VPS13D: variants seen among roughly 807,000 people sequenced by gnomAD.
VPS13D encodes the protein intermembrane lipid transfer protein VPS13D.
A neutral mutation model predicts 461.9 loss-of-function variants in VPS13D; 187 were observed. The ratio of observed to expected loss-of-function variants is 0.40; its 90% CI spans 0.36 to 0.46. VPS13D has a LOEUF of 0.46. Ranked by LOEUF, VPS13D falls within the 20% of genes least tolerant of loss-of-function variation. VPS13D has a pLI of 0.60. For synonymous variants in VPS13D, 1,951 were observed against 1,986.3 expected (o/e 0.98, Z 0.47); for missense variants, 4,711 against 5,364.9 (o/e 0.88, Z 3.81).
At chr1:12,391,499 C>T (rs1644425925) in intron 60 of VPS13D, among the ~76,000 whole-genome samples, 1 of 136,234 alleles carries the variant, frequency 7.3e-6, no homozygotes, top group South Asian at 2.3e-4. Flanking sequence ...ACATATATAC[C>T]ACTTCATTTG....
rs561396789 is a variant in VPS13D, at chr1:12,255,631, C to T, written c.670-702C>T. Reference sequence around the variant, plus strand: ...TATAAAGGTTGGGCGTGGTGGCTCACGCCTGTAATCCCAGCACTTGGGAGA... The same window carrying T: ...TATAAAGGTTGGGCGTGGTGGCTCATGCCTGTAATCCCAGCACTTGGGAGA... On this transcript the variant is annotated intron_variant, in intron 7 of 69. Coordinates refer to ENST00000620676, the MANE Select transcript of VPS13D (RefSeq NM_015378.4). Among the ~76,000 whole-genome samples the T allele has an allele frequency of 9.2e-5, 14 of 151,514 alleles. No individual in the cohort carries two copies. In the South Asian group the frequency reaches 1.2e-3, roughly 13 times the overall value.
intron 67 of VPS13D, among the ~76,000 whole-genome samples, chr1:12,486,959 C>T (rs896530632): frequency 3.3e-5 from 5 of 152,128 alleles, no homozygotes; most frequent in African/African-American, 7.2e-5. Flanking sequence ...TCAACACCTA[C>T]GTTTCCAGGC....
chr1:12,309,739 G>A (rs1441239069), intron 27 of VPS13D, among the ~76,000 whole-genome samples: 1 of 146,498 alleles, frequency 6.8e-6, no homozygotes, highest in Non-Finnish European at 1.5e-5. Context: ...TTCAGCCTGG[G>A]TGACAGAGCA....
chr1:12,377,823 A>G (rs1326615208), intron 55 of VPS13D, among the ~76,000 whole-genome samples: 2 of 138,986 alleles, frequency 1.4e-5, no homozygotes, highest in Non-Finnish European at 3.1e-5. Context: ...TCCATCCCAA[A>G]AAAAAAAAAA....
chr1:12,331,702 ACT>A (rs1389960890), intron 37 of VPS13D, among the ~76,000 whole-genome samples: 8 of 137,210 alleles, frequency 5.8e-5, no homozygotes, highest in African/African-American at 1.7e-4. Flanking sequence ...ACAGAGCGAG[ACT>A]CTGTCTTAAA....
At chr1:12,327,960 G>T in intron 36 of VPS13D, 106 bp downstream of exon 36, 3 of 1,135,952 alleles carry the variant, frequency 2.6e-6, no homozygotes, top group South Asian at 1.6e-5. Flanking sequence ...TAGTCATTTG[G>T]GTGAAATTTA....
intron 15 of VPS13D, 148 bp from the exon 16 acceptor site, chr1:12,268,558 G>A: frequency 2.2e-6 from 2 of 913,242 alleles, no homozygotes; most frequent in Non-Finnish European, 1.7e-6. Flanking sequence ...ATCCTGATGA[G>A]GCTTTCTATT....
chr1:12,430,348 A>C (rs1644976328), intron 65 of VPS13D, among the ~76,000 whole-genome samples: 1 of 152,214 alleles, frequency 6.6e-6, no homozygotes, highest in South Asian at 2.1e-4. Context: ...TAACTTCTGG[A>C]GGGTCAAACA....
intron 60 of VPS13D, among the ~76,000 whole-genome samples, chr1:12,399,692 G>A (rs1381095478): frequency 6.6e-6 from 1 of 150,528 alleles, no homozygotes; most frequent in Non-Finnish European, 1.5e-5. Flanking sequence ...AGTGGTGCAT[G>A]CCTGTAATCC....
chr1:12,308,472 C>T lies in VPS13D; in HGVS notation c.6481C>T (p.Gln2161Ter). ...GCTGGATTGCGTTGTCGTGGATCTC[C>T]AGGACATGGACATCTTTGCTGCAGA... ...CLLDCVVVDL[Q>*]DMDIFAAERH... Residue 2161 changes from glutamine (Q) to a stop codon, truncating the protein, a stop_gained, in exon 27 of 70, where the codon CAG becomes TAG. Coordinates refer to ENST00000620676, the MANE Select transcript of VPS13D (RefSeq NM_015378.4). LOFTEE classifies it high-confidence loss of function. 1 of 1,614,040 alleles carries T rather than the reference C, an allele frequency of 6.2e-7. No individual in the cohort carries two copies. Among genetic ancestry groups the T allele is most frequent in the Non-Finnish European group, 8.5e-7 (1 of 1,180,004 alleles).
chr1:12,387,559 G>T (rs937918640), intron 60 of VPS13D, among the ~76,000 whole-genome samples: 6 of 150,734 alleles, frequency 4.0e-5, no homozygotes, highest in African/African-American at 1.5e-4. Flanking sequence ...GTTAAGTAGG[G>T]AGACTAATTG....
At chr1:12,251,798 C>G (rs925965735) in intron 6 of VPS13D, among the ~76,000 whole-genome samples, 1 of 152,204 alleles carries the variant, frequency 6.6e-6, no homozygotes, top group African/African-American at 2.4e-5. Flanking sequence ...GTCCAAACAC[C>G]TTAGCATGGC....
chr1:12,379,410 C>T (rs968846786), intron 56 of VPS13D, 78 bp from the exon 57 acceptor site: 2 of 1,328,694 alleles, frequency 1.5e-6, no homozygotes, highest in African/African-American at 2.9e-5. Context: ...AGAGCAAAGC[C>T]ATCATCCTCA....
chr1:12,351,828 G>A (rs1387912736), intron 46 of VPS13D, among the ~76,000 whole-genome samples: 2 of 151,232 alleles, frequency 1.3e-5, no homozygotes, highest in Admixed American at 6.6e-5. Context: ...CTGACCTCAA[G>A]CAGTCTGCCC....
At chr1:12,432,697 G>C (rs1449185407) in intron 65 of VPS13D, among the ~76,000 whole-genome samples, 2 of 151,572 alleles carry the variant, frequency 1.3e-5, no homozygotes, top group Non-Finnish European at 1.5e-5. Flanking sequence ...TTGGGTTCAG[G>C]CAATCCTCCC....
chr1:12,441,948 C>T (rs568029771), intron 65 of VPS13D, among the ~76,000 whole-genome samples: 1 of 152,212 alleles, frequency 6.6e-6, no homozygotes, highest in African/African-American at 2.4e-5. Context: ...TCTCCATTTG[C>T]CTTTTCCTAT....
chr1:12,488,727 CTTG>C (rs1489281667), intron 67 of VPS13D, among the ~76,000 whole-genome samples: 2 of 147,828 alleles, frequency 1.4e-5, no homozygotes, highest in Non-Finnish European at 3.0e-5. Flanking sequence ...ATGTAATCAG[CTTG>C]TTATTATTAG....
rs1268140841 is a variant in VPS13D at position 12,299,236 on chromosome 1, T to G, written c.6068T>G (p.Leu2023Arg). ...RDQAQRCSRV[L>R]LDIEAGAPVL... ...CAAGCCCAGCGCTGTTCACGGGTTCTCCTGGATATTGAGGCTGGTGCTCCC... is the reference window on the plus strand; with the variant it reads ...CAAGCCCAGCGCTGTTCACGGGTTCGCCTGGATATTGAGGCTGGTGCTCCC... Residue 2023 changes from leucine to arginine, a missense_variant, in exon 25 of 70, where the codon CTC (leucine) becomes CGC (arginine). Physicochemically the swap from Leu to Arg is moderately radical, Grantham distance 102. Around this residue, in one of 3 missense-constraint regions of VPS13D, gnomAD observed 4,411 missense variants for 4,937.8 expected, o/e 0.89. Transcript: ENST00000620676. This position sits in a 1 kb window ranked among gnomAD's most constrained non-coding sequence, Gnocchi z 4.2. The G allele has an allele frequency of 2.5e-6, 4 of 1,613,424 alleles. No homozygotes were observed. Among genetic ancestry groups the G allele is most frequent in the Non-Finnish European group, 3.4e-6 (4 of 1,179,922 alleles).
chr1:12,467,075 G>A (rs770414675), intron 67 of VPS13D, among the ~76,000 whole-genome samples: 7 of 152,186 alleles, frequency 4.6e-5, no homozygotes, highest in South Asian at 2.1e-4. Context: ...CTCCCTCTAC[G>A]TGAGCAACCC....
Sources: allele counts gnomAD v4.1 joint callset (sites outside exome capture counted in the v4.1 genomes callset), GRCh38; gene constraint gnomAD v4.1.1; regional missense constraint gnomAD v4.1.1; non-coding constraint Gnocchi (gnomAD v3.1); transcripts MANE v1.5; gene names NCBI Gene and HGNC (gene_info 2026-07-23, HGNC 2026-07-21).